The following MARCHF4 variants were observed in gnomAD, a reference collection of about 807,000 sequenced individuals.
MARCHF4 encodes the protein membrane associated ring-CH-type finger 4, also known as E3 ubiquitin-protein ligase MARCHF4.
Under a neutral mutation model 43.9 loss-of-function variants are expected in MARCHF4, and 14 were observed. That is an observed-to-expected ratio of 0.32 (90% CI 0.21 to 0.50). MARCHF4 has a LOEUF of 0.50. Among genes scored for constraint, MARCHF4 ranks in the 20% least tolerant of loss-of-function variants. The pLI, the probability that MARCHF4 is intolerant of heterozygous loss-of-function variation, is 0.98. For missense variants in MARCHF4, 468 were observed against 536.7 expected, an observed-to-expected ratio of 0.87 and a Z score of 1.27; for synonymous variants, 226 against 213.3, an observed-to-expected ratio of 1.06 and a Z score of -0.52.
At chr2:216,347,609 T>G (rs1165148880) in intron 1 of MARCHF4, among the ~76,000 whole-genome samples, 1 of 151,826 alleles carries the variant, frequency 6.6e-6, no homozygotes. Flanking sequence ...GCGCCTGTAA[T>G]CCCAGTTACT....
intron 1 of MARCHF4, among the ~76,000 whole-genome samples, chr2:216,341,269 A>G (rs1692231544): frequency 6.6e-6 from 1 of 152,128 alleles, no homozygotes; most frequent in South Asian, 2.1e-4. Context: ...TTTTGATTAC[A>G]CCCACGGTCT....
intron 1 of MARCHF4, among the ~76,000 whole-genome samples, chr2:216,344,288 C>T (rs1692280062): frequency 1.3e-5 from 2 of 152,120 alleles, no homozygotes; most frequent in South Asian, 4.1e-4. Context: ...ACAATACTTG[C>T]TCTTCCTCTA....
intron 1 of MARCHF4, among the ~76,000 whole-genome samples, chr2:216,324,488 A>G (rs75221046): frequency 6.6e-6 from 1 of 151,744 alleles, no homozygotes; most frequent in Non-Finnish European, 1.5e-5. Context: ...ATCCTGATAC[A>G]AAAGCCGGGC....
At chr2:216,327,410 G>A (rs1309041397) in intron 1 of MARCHF4, among the ~76,000 whole-genome samples, 2 of 151,356 alleles carry the variant, frequency 1.3e-5, no homozygotes, top group Admixed American at 6.6e-5. Flanking sequence ...TGCTTCTATA[G>A]GTTTTAAAAT....
chr2:216,311,676 GTAAGAACCTT>G (rs1273628520), intron 1 of MARCHF4, among the ~76,000 whole-genome samples: 1 of 152,158 alleles, frequency 6.6e-6, no homozygotes, highest in African/African-American at 2.4e-5. Flanking sequence ...AATCAGTAGG[GTAAGAACCTT>G]TTTTATTATT....
intron 1 of MARCHF4, among the ~76,000 whole-genome samples, chr2:216,327,122 C>G (rs1040190273): frequency 5.3e-5 from 8 of 151,862 alleles, no homozygotes; most frequent in African/African-American, 1.7e-4. Context: ...CCCTGCCTCC[C>G]TTTTTAAATT....
At chr2:216,262,074 G>A (rs985645461) in intron 3 of MARCHF4, among the ~76,000 whole-genome samples, 1 of 152,178 alleles carries the variant, frequency 6.6e-6, no homozygotes, top group African/African-American at 2.4e-5. Flanking sequence ...TCTCATCCAA[G>A]TACACATATA....
chr2:216,309,021 G>C (rs925983063), intron 1 of MARCHF4, among the ~76,000 whole-genome samples: 2 of 152,162 alleles, frequency 1.3e-5, no homozygotes, highest in African/African-American at 4.8e-5. Flanking sequence ...ATGAAGTCTT[G>C]GGACTAGCTA....
intron 1 of MARCHF4, among the ~76,000 whole-genome samples, chr2:216,362,190 A>G (rs1345723252): frequency 6.6e-6 from 1 of 152,188 alleles, no homozygotes; most frequent in Non-Finnish European, 1.5e-5. Flanking sequence ...CAGGACAAGA[A>G]TCATTGCTAT....
At chr2:216,368,593 C>T (rs1234448143) in intron 1 of MARCHF4, among the ~76,000 whole-genome samples, 2 of 152,182 alleles carry the variant, frequency 1.3e-5, no homozygotes, top group African/African-American at 4.8e-5. Flanking sequence ...TTACAGAGCA[C>T]ACCCTCAGCA....
In MARCHF4 at chr2:216,343,973, T is replaced by A. The variant is rs1410853557; in HGVS notation, c.516+25772A>T. Among the ~76,000 whole-genome samples, 4 of 152,096 alleles carry A rather than the reference T, an allele frequency of 2.6e-5. No individual in the cohort carries two copies. The South Asian group carries it at 6.2e-4, about 24-fold the overall frequency. ...CAGAGTGGGACCTAGTGAGAATTGA[T>A]CCAGTATGGATGGGGCCAGAGGAAG... is the stretch of plus-strand genomic sequence containing the variant. On this transcript the variant is annotated intron_variant, in intron 1 of 3. Transcript: ENST00000273067.
At chr2:216,344,839 C>T (rs533994861) in intron 1 of MARCHF4, among the ~76,000 whole-genome samples, 54 of 151,822 alleles carry the variant, frequency 3.6e-4, no homozygotes, top group African/African-American at 1.2e-3. Context: ...GCCAAGTCCA[C>T]GTGGAGATGG....
rs201683040 is a variant in MARCHF4, at chr2:216,300,350, G to GTATA, written c.517-16625_517-16622dup. ...TATGTCCATCTCGATATATATATATGTATATATATATATATATATGACTTA... is the reference window on the plus strand; with the variant it reads ...TATGTCCATCTCGATATATATATATGTATATATATATATATATATATATGACTTA... On this transcript the variant is annotated intron_variant, in intron 1 of 3. Transcript: ENST00000273067. Among the ~76,000 whole-genome samples the GTATA allele has an allele frequency of 3.9e-3, 452 of 115,812 alleles. 7 individuals carry two copies. In the South Asian group the frequency reaches 0.064, roughly 16 times the overall value. The allele number at this position is 115,812 out of a possible 152,430, so 76.0% of individuals were successfully genotyped here.
chr2:216,370,182 G>A lies in MARCHF4; in HGVS notation c.79C>T (p.Pro27Ser), dbSNP rs769269823. 13 of 1,612,606 alleles carry A rather than the reference G, an allele frequency of 8.1e-6. No homozygotes were observed. Among genetic ancestry groups the A allele is most frequent in the Non-Finnish European group, 1.0e-5 (12 of 1,179,552 alleles). Residue 27 changes from proline to serine, a missense_variant, in exon 1 of 4, where the codon CCA becomes TCA. Pro to Ser is a moderately conservative substitution (Grantham distance 74, BLOSUM62 -1). Around this residue, in one of 3 missense-constraint regions of MARCHF4, gnomAD observed 190 missense variants for 158.5 expected, o/e 1.20. Transcript: ENST00000273067. ...SGWYCYGLCA[P>S]APQMLRHQGL... ...TGGTGGCGCAACATCTGGGGGGCTG[G>A]GGCACACAATCCATAGCAGTACCAG... is the stretch of plus-strand genomic sequence containing the variant.
At chr2:216,341,872 G>T (rs1306687198) in intron 1 of MARCHF4, among the ~76,000 whole-genome samples, 2 of 152,198 alleles carry the variant, frequency 1.3e-5, no homozygotes, top group African/African-American at 4.8e-5. Context: ...ATCCCAGATA[G>T]CAGCTGCTCA....
chr2:216,369,917 A>C lies in MARCHF4; in HGVS notation c.344T>G (p.Val115Gly). 6.2e-7 allele frequency: 1 copy of C among 1,612,248 alleles called. No homozygotes were observed. Among genetic ancestry groups the C allele is most frequent in the Non-Finnish European group, 8.5e-7 (1 of 1,179,234 alleles). ...GGCTGGGCCACCCCAGTCATCTTCC[A>C]CAGAAGAAGGTGGCAAGGGGGGTGG... ...PPPPPLPPSSVEDDWGGPATE... is the reference protein window; with the variant it reads ...PPPPPLPPSSGEDDWGGPATE... The change falls in exon 1 of 4, where the codon GTG becomes GGG. Residue 115 changes from valine (V) to glycine (G), a missense_variant. By Grantham distance (109) the Val-to-Gly change is moderately radical (BLOSUM62 -3). Coordinates refer to ENST00000273067, the MANE Select transcript of MARCHF4 (RefSeq NM_020814.3).
intron 1 of MARCHF4, among the ~76,000 whole-genome samples, chr2:216,308,723 G>A (rs1480402670): frequency 2.0e-5 from 3 of 152,156 alleles, no homozygotes; most frequent in East Asian, 1.9e-4. Context: ...AGACTATGAC[G>A]TATGCGTGCT....
At chr2:216,259,872 T>C (rs1199182055) in intron 3 of MARCHF4, 193 bp from the exon 4 acceptor site, 4 of 600,110 alleles carry the variant, frequency 6.7e-6, no homozygotes, top group Non-Finnish European at 1.2e-5. Context: ...CCAGACCGAG[T>C]CCATGAAATA....
Position 216,286,037 on chromosome 2 carries a change from T to C in MARCHF4, c.517-2308A>G, listed in dbSNP as rs558607679. Among the ~76,000 whole-genome samples the C allele has an allele frequency of 3.8e-3, 578 of 152,202 alleles. 1 individual carries two copies. The highest frequency in any genetic ancestry group is 8.9e-3 in the African/African-American group (371 of 41,546). ...GACCCGGGCTCTGGTTGTGGGACCATTGGGGCTCATGGGAGCCCCCTGAGC... is the reference window on the plus strand; with the variant it reads ...GACCCGGGCTCTGGTTGTGGGACCACTGGGGCTCATGGGAGCCCCCTGAGC... On this transcript the variant is annotated intron_variant, in intron 1 of 3. Coordinates refer to ENST00000273067, the MANE Select transcript of MARCHF4 (RefSeq NM_020814.3).
Sources: gnomAD v4.1 joint callset for allele counts (sites outside exome capture counted in the v4.1 genomes callset) on GRCh38, gnomAD v4.1.1 for gene constraint, gnomAD v4.1.1 regional missense constraint, MANE v1.5 for transcripts, NCBI Gene and HGNC (gene_info 2026-07-23, HGNC 2026-07-21) for gene names.